The following APBA2 variants were observed in gnomAD, a reference collection of about 807,000 sequenced individuals.
The protein encoded by APBA2 is amyloid beta precursor protein binding family A member 2, also known as amyloid-beta A4 precursor protein-binding family A member 2.
A neutral mutation model predicts 75.0 loss-of-function variants in APBA2; 30 were observed. The ratio of observed to expected loss-of-function variants is 0.40; its 90% CI spans 0.30 to 0.54. The LOEUF is 0.54. Ranked by LOEUF, APBA2 falls within the 20% of genes least tolerant of loss-of-function variation. The pLI, the probability that APBA2 is intolerant of heterozygous loss-of-function variation, is 0.49. For synonymous variants in APBA2, 444 were observed against 409.6 expected, an observed-to-expected ratio of 1.08 and a Z score of -1.01; for missense variants, 801 against 1,016.1, an observed-to-expected ratio of 0.79 and a Z score of 2.88.
chr15:29,100,135 T>G (rs1278639519), intron 9 of APBA2, among the ~76,000 whole-genome samples: 1 of 152,056 alleles, frequency 6.6e-6, no homozygotes, highest in Non-Finnish European at 1.5e-5. Flanking sequence ...GCAGCCTCTG[T>G]GAGGAGGAGG....
intron 3 of APBA2, among the ~76,000 whole-genome samples, chr15:29,039,879 G>T (rs76377047): frequency 1.5e-3 from 223 of 152,284 alleles, no homozygotes; most frequent in African/African-American, 5.2e-3. Flanking sequence ...ACTCTGAACA[G>T]AATGAAAAGC....
At position 29,075,944 on chromosome 15, in the gene APBA2, G is replaced by A. The variant is rs80055183; in HGVS notation, c.1033-111G>A. On this transcript the variant is annotated intron_variant, in intron 5 of 14. Transcript: ENST00000683413. ...ATCTTCAGAACACCATCACTCATGGGGGGTTTGCTTTTCTCATTATGGCTC... is the reference window on the plus strand; with the variant it reads ...ATCTTCAGAACACCATCACTCATGGAGGGTTTGCTTTTCTCATTATGGCTC... The A allele has an allele frequency of 8.2e-4, 765 of 935,266 alleles. No homozygotes were observed. In the African/African-American group the frequency reaches 0.011, roughly 13 times the overall value. 57.9% of individuals were successfully genotyped at this position (935,266 alleles called of 1,614,324 possible). A position where few individuals can be genotyped will look rare whatever the true frequency, so the allele number is the denominator to read the frequency against.
chr15:28,931,567 A>T (rs76176657), intron 2 of APBA2, among the ~76,000 whole-genome samples: 8,090 of 152,172 alleles, frequency 0.053, 551 homozygotes, highest in East Asian at 0.34. Context: ...GCTGCTCCAT[A>T]GGGTCCAGCC....
chr15:29,107,022 A>G (rs1176135284), intron 12 of APBA2, among the ~76,000 whole-genome samples: 1 of 152,018 alleles, frequency 6.6e-6, no homozygotes, highest in African/African-American at 2.4e-5. Context: ...TCAGAGGTGG[A>G]CCCGGGCTGG....
intron 1 of APBA2, among the ~76,000 whole-genome samples, chr15:28,898,266 GCCATCAAGAGA>G (rs1312909997): frequency 1.3e-5 from 2 of 152,194 alleles, no homozygotes; most frequent in African/African-American, 4.8e-5. Context: ...AATGGATACA[GCCATCAAGAGA>G]CACACAAAAG....
intron 8 of APBA2, 73 bp from the exon 9 acceptor site, chr15:29,098,417 T>TCAA: frequency 9.9e-7 from 1 of 1,012,240 alleles, no homozygotes; most frequent in East Asian, 2.4e-5. Flanking sequence ...GAGCATTTTG[T>TCAA]CATAATGCTA....
chr15:28,951,966 G>C (rs1350116542), intron 2 of APBA2, among the ~76,000 whole-genome samples: 1 of 136,778 alleles, frequency 7.3e-6, no homozygotes, highest in Non-Finnish European at 1.5e-5. Context: ...TTGTCTCACT[G>C]TAATCTCCAC....
chr15:29,106,462 C>T, intron 11 of APBA2, 145 bp from the exon 12 acceptor site: 5 of 925,632 alleles, frequency 5.4e-6, no homozygotes, highest in African/African-American at 1.6e-5. Flanking sequence ...AGCCCAAGAC[C>T]TCTCCTGGCT....
Position 28,912,019 on chromosome 15 carries a change from T to C in APBA2, c.-204-9621T>C, listed in dbSNP as rs566545054. ...TATATAGCAATGAAGTGATTTTTTT[T>C]CACTTTTTCATTTTTATTTATGTTG... On this transcript the variant is annotated intron_variant, in intron 1 of 14. Transcript: ENST00000683413. Among the ~76,000 whole-genome samples the C allele has an allele frequency of 3.3e-5, 5 of 152,364 alleles. No individual in the cohort carries two copies. The South Asian group carries it at 1.0e-3, about 32-fold the overall frequency.
At chr15:28,917,636 G>A (rs897345861) in intron 1 of APBA2, among the ~76,000 whole-genome samples, 8 of 151,662 alleles carry the variant, frequency 5.3e-5, no homozygotes, top group Admixed American at 3.9e-4. Flanking sequence ...TGGTACATTC[G>A]TTACCATTGA....
chr15:28,946,140 T>C (rs186964411), intron 2 of APBA2, among the ~76,000 whole-genome samples: 1 of 152,360 alleles, frequency 6.6e-6, no homozygotes, highest in Admixed American at 6.5e-5. Context: ...AAAGAGCGTT[T>C]GTCATTCAGA....
chr15:29,025,532 A>G (rs897782553), intron 3 of APBA2, among the ~76,000 whole-genome samples: 3 of 151,930 alleles, frequency 2.0e-5, no homozygotes, highest in Non-Finnish European at 4.4e-5. Context: ...TCGGCCTCCC[A>G]GAGTGCTGGG....
chr15:29,031,767 G>T (rs1230203165), intron 3 of APBA2, among the ~76,000 whole-genome samples: 2 of 152,122 alleles, frequency 1.3e-5, no homozygotes, highest in Non-Finnish European at 1.5e-5. Flanking sequence ...GTGCTAATTG[G>T]TGCATTTTAC....
At chr15:29,001,979 G>A (rs2038872649) in intron 3 of APBA2, among the ~76,000 whole-genome samples, 1 of 152,060 alleles carries the variant, frequency 6.6e-6, no homozygotes, top group Non-Finnish European at 1.5e-5. Context: ...GTGCAAGCTG[G>A]CATTCTCAAA....
At chr15:28,955,357 A>G (rs2036110452) in intron 2 of APBA2, among the ~76,000 whole-genome samples, 1 of 151,982 alleles carries the variant, frequency 6.6e-6, no homozygotes, top group Admixed American at 6.6e-5. Flanking sequence ...TGGAGGAGAA[A>G]CCTGAGCTGC....
intron 13 of APBA2, among the ~76,000 whole-genome samples, chr15:29,111,473 A>C (rs1459275062): frequency 6.6e-6 from 1 of 152,140 alleles, no homozygotes; most frequent in Non-Finnish European, 1.5e-5. Flanking sequence ...AGGGAGGGTT[A>C]GATGAAGCAA....
chr15:29,073,115 G>T (rs2042698315), intron 4 of APBA2, among the ~76,000 whole-genome samples: 1 of 152,188 alleles, frequency 6.6e-6, no homozygotes, highest in Admixed American at 6.5e-5. Flanking sequence ...GGTGGGCCCA[G>T]ATCCTTTAAT....
In APBA2 at chr15:28,908,164, G is replaced by A. The variant is rs1222933928; in HGVS notation, c.-204-13476G>A. 9.9e-5 allele frequency among the ~76,000 whole-genome samples: 15 copies of A among 152,158 alleles called. No individual in the cohort carries two copies. The East Asian group carries it at 2.7e-3, about 27-fold the overall frequency. Reference sequence around the variant, plus strand: ...CAGGCAGCCCTGTGGGCCTGGATAAGAGGTTTTGCATGCTCCTTACAGTTC... The same window carrying A: ...CAGGCAGCCCTGTGGGCCTGGATAAAAGGTTTTGCATGCTCCTTACAGTTC... On this transcript the variant is annotated intron_variant, in intron 1 of 14. Transcript: ENST00000683413.
chr15:28,912,656 AGGTTCCCT>A (rs995579584), intron 1 of APBA2, among the ~76,000 whole-genome samples: 1 of 152,200 alleles, frequency 6.6e-6, no homozygotes, highest in Non-Finnish European at 1.5e-5. Context: ...TTTACTCTTC[AGGTTCCCT>A]GGAGGCAGGA....
Sources: allele counts gnomAD v4.1 joint callset (sites outside exome capture counted in the v4.1 genomes callset), GRCh38; gene constraint gnomAD v4.1.1; transcripts MANE v1.5; gene names NCBI Gene and HGNC (gene_info 2026-07-23, HGNC 2026-07-21).